Variants in CHODL observed in about 807,000 individuals in gnomAD.
CHODL encodes the protein transmembrane protein MT75.
CHODL carries 29 observed loss-of-function variants against 34.5 expected under a neutral mutation model. That is an observed-to-expected ratio of 0.84 (90% CI 0.63 to 1.15). CHODL has a LOEUF of 1.15. CHODL is among the 50% of genes most tolerant of loss of function. The probability of loss-of-function intolerance (pLI) is 0.00; values close to 1 mark genes in which losing one functional copy is unlikely to be tolerated. For synonymous variants in CHODL, 125 were observed against 116.1 expected, an observed-to-expected ratio of 1.08 and a Z score of -0.49; for missense variants, 332 against 332.5, an observed-to-expected ratio of 1.00 and a Z score of 0.01.
At chr21:18,068,444 G>A (rs775161472) in intron 2 of CHODL, among the ~76,000 whole-genome samples, 5 of 152,116 alleles carry the variant, frequency 3.3e-5, no homozygotes, top group Middle Eastern at 3.2e-3. Flanking sequence ...TGATCCACCC[G>A]CCTTGGCCTC....
intron 1 of CHODL, among the ~76,000 whole-genome samples, chr21:17,965,638 T>C (rs895956456): frequency 4.6e-5 from 7 of 152,220 alleles, no homozygotes; most frequent in Admixed American, 1.3e-4. Context: ...TTATAGATGA[T>C]TTCACGTCAC....
At position 18,265,310 on chromosome 21, in the gene CHODL, C is replaced by CACAT. The variant is rs1555887739; in HGVS notation, c.738-643_738-642insCATA. ...ATATACACACACACACACACACACA[C>CACAT]ATATATATATATGATGGAATACTAC... On this transcript the variant is annotated intron_variant, in intron 5 of 5. Transcript: ENST00000299295. 2.0e-4 allele frequency among the ~76,000 whole-genome samples: 30 copies of CACAT among 147,216 alleles called. 1 individual carries two copies. Among genetic ancestry groups the CACAT allele is most frequent in the Non-Finnish European group, 2.4e-4 (16 of 67,074 alleles).
chr21:18,226,420 C>A (rs2073931473), intron 2 of CHODL, among the ~76,000 whole-genome samples: 1 of 152,238 alleles, frequency 6.6e-6, no homozygotes, highest in South Asian at 2.1e-4. Context: ...CCTGCCTCAG[C>A]CTCCCAAGTA....
rs908405776 is a variant in CHODL, at chr21:18,262,198, A to G, written c.635-593A>G. ...CAGTTTGATATCACTACAGATCAGT[A>G]CAATTCAATTTTCCGTTCAGTAAAA... is the stretch of plus-strand genomic sequence containing the variant. On this transcript the variant is annotated intron_variant, in intron 4 of 5. Coordinates refer to ENST00000299295, the MANE Select transcript of CHODL (RefSeq NM_024944.3). 3.3e-5 allele frequency among the ~76,000 whole-genome samples: 5 copies of G among 152,194 alleles called. No homozygotes were observed. In the South Asian group the frequency reaches 8.3e-4, roughly 25 times the overall value.
intron 1 of CHODL, among the ~76,000 whole-genome samples, chr21:17,978,164 C>T (rs2063682086): frequency 6.6e-6 from 1 of 152,062 alleles, no homozygotes; most frequent in Non-Finnish European, 1.5e-5. Context: ...TGGCTCACGC[C>T]TGTGATCCCA....
intron 2 of CHODL, among the ~76,000 whole-genome samples, chr21:18,046,669 A>T (rs1386848899): frequency 6.6e-6 from 1 of 152,006 alleles, no homozygotes; most frequent in Non-Finnish European, 1.5e-5. Context: ...AATTTTAGAT[A>T]GCATTACTTG....
chr21:18,151,187 G>T (rs1601075041), intron 2 of CHODL, among the ~76,000 whole-genome samples: 1 of 152,128 alleles, frequency 6.6e-6, no homozygotes, highest in South Asian at 2.1e-4. Context: ...TATCCAGGAG[G>T]AAGACATGCT....
chr21:18,248,735 A>G (rs1280086838), intron 1 of CHODL, among the ~76,000 whole-genome samples: 1 of 120,654 alleles, frequency 8.3e-6, no homozygotes, highest in African/African-American at 3.6e-5. Flanking sequence ...TGTATATAAT[A>G]TATATGTATA....
In CHODL at chr21:18,085,464, A is replaced by G. The variant is rs376210176; in HGVS notation, c.-45+57493A>G. Reference sequence around the variant, plus strand: ...TTGTATTATGAATATTGTGAGTTTTATATTTTCATGTGTTTTTATGATGGT... The same window carrying G: ...TTGTATTATGAATATTGTGAGTTTTGTATTTTCATGTGTTTTTATGATGGT... On this transcript the variant is annotated intron_variant, in intron 2 of 6. Coordinates refer to the CHODL transcript ENST00000400127. Among the ~76,000 whole-genome samples, 12 of 152,058 alleles carry G rather than the reference A, an allele frequency of 7.9e-5. No homozygotes were observed. In the East Asian group the frequency reaches 1.7e-3, roughly 22 times the overall value.
At chr21:18,111,628 A>AT (rs898431522) in intron 2 of CHODL, among the ~76,000 whole-genome samples, 12 of 152,204 alleles carry the variant, frequency 7.9e-5, no homozygotes, top group African/African-American at 2.9e-4. Context: ...TGGGTATGCC[A>AT]TTTTCTCCCA....
At chr21:17,920,596 T>A (rs890370650) in intron 1 of CHODL, among the ~76,000 whole-genome samples, 5 of 152,200 alleles carry the variant, frequency 3.3e-5, no homozygotes, top group Non-Finnish European at 7.3e-5. Context: ...CCATATCATA[T>A]ACTAAACTCA....
intron 1 of CHODL, among the ~76,000 whole-genome samples, chr21:17,946,188 C>T (rs533270518): frequency 8.5e-5 from 13 of 152,272 alleles, no homozygotes; most frequent in South Asian, 2.1e-4. Context: ...GAGGCCAAGG[C>T]GGGCGGATCA....
intron 1 of CHODL, among the ~76,000 whole-genome samples, chr21:18,002,692 A>C (rs1039886959): frequency 6.6e-6 from 1 of 152,082 alleles, no homozygotes; most frequent in African/African-American, 2.4e-5. Flanking sequence ...AGCCTCATGG[A>C]GTGGAAGACG....
At chr21:18,155,293 A>G (rs1020751601) in intron 2 of CHODL, among the ~76,000 whole-genome samples, 32 of 152,278 alleles carry the variant, frequency 2.1e-4, no homozygotes, top group African/African-American at 3.1e-4. Flanking sequence ...CCAGTCCCCA[A>G]CGTTGCCAAG....
chr21:18,096,930 C>A (rs1309391493), intron 2 of CHODL, among the ~76,000 whole-genome samples: 1 of 152,104 alleles, frequency 6.6e-6, no homozygotes, highest in African/African-American at 2.4e-5. Context: ...TATAAAATTT[C>A]TCTGTTTGTG....
intron 1 of CHODL, among the ~76,000 whole-genome samples, chr21:17,991,658 A>ATTTTTT (rs35600353): frequency 3.1e-5 from 4 of 128,408 alleles, no homozygotes; most frequent in Non-Finnish European, 4.9e-5. Context: ...AGATTATTTG[A>ATTTTTT]TTTTTTTTTT....
At chr21:18,181,316 G>A (rs748542665) in intron 2 of CHODL, among the ~76,000 whole-genome samples, 7 of 152,234 alleles carry the variant, frequency 4.6e-5, no homozygotes, top group Non-Finnish European at 1.0e-4. Context: ...TAGTAGAGTT[G>A]TGCAACCATC....
At chr21:18,251,591 ATTTT>A (rs1389623380) in intron 1 of CHODL, among the ~76,000 whole-genome samples, 8 of 107,336 alleles carry the variant, frequency 7.5e-5, no homozygotes, top group African/African-American at 3.0e-4. Context: ...TAAAATATTT[ATTTT>A]ATTTATTTAT....
chr21:17,980,781 A>G (rs1361095609), intron 1 of CHODL, among the ~76,000 whole-genome samples: 1 of 152,120 alleles, frequency 6.6e-6, no homozygotes, highest in Non-Finnish European at 1.5e-5. Context: ...TCTGAAATGC[A>G]CCGTGTGTGC....
Sources: allele counts gnomAD v4.1 joint callset (sites outside exome capture counted in the v4.1 genomes callset), GRCh38; gene constraint gnomAD v4.1.1; transcripts MANE v1.5; gene names NCBI Gene and HGNC (gene_info 2026-07-23, HGNC 2026-07-21).